Variants in SLC3A1 observed in about 807,000 individuals in gnomAD.
SLC3A1 encodes the protein amino acid transporter heavy chain SLC3A1.
A neutral mutation model predicts 60.3 loss-of-function variants in SLC3A1; 78 were observed. The ratio of observed to expected loss-of-function variants is 1.29; its 90% CI spans 1.08 to 1.56. SLC3A1 has a LOEUF of 1.56. SLC3A1 is among the 40% of genes most tolerant of loss of function. The probability of loss-of-function intolerance (pLI) is 0.00; values close to 1 mark genes in which losing one functional copy is unlikely to be tolerated. For synonymous variants in SLC3A1, 392 were observed against 307.9 expected (o/e 1.27, Z -2.86); for missense variants, 1,172 against 858.9 (o/e 1.36, Z -4.56).
intron 5 of SLC3A1, among the ~76,000 whole-genome samples, chr2:44,300,534 A>G (rs1671976742): frequency 6.6e-6 from 1 of 152,232 alleles, no homozygotes; most frequent in South Asian, 2.1e-4. Context: ...ACAAAGATAC[A>G]GAAACTAGGA....
intron 9 of SLC3A1, 63 bp from the exon 10 acceptor site, chr2:44,320,136 A>G: frequency 1.4e-6 from 2 of 1,422,802 alleles, no homozygotes; most frequent in Non-Finnish European, 1.9e-6. Flanking sequence ...ACAATATATT[A>G]AAAATACTTA....
intron 4 of SLC3A1, among the ~76,000 whole-genome samples, chr2:44,288,988 C>T (rs1024504422): frequency 6.6e-6 from 1 of 151,868 alleles, no homozygotes; most frequent in African/African-American, 2.4e-5. Context: ...GCACGTGCCA[C>T]CATGCCCAAC....
rs567296835 is a variant in SLC3A1, at chr2:44,320,792, T to C, written c.*153T>C. On this transcript the variant is annotated 3_prime_UTR_variant, in exon 10 of 10. Coordinates refer to ENST00000260649, the MANE Select transcript of SLC3A1 (RefSeq NM_000341.4). ...AACTGCTTTAAGAAAGGTTCTCAAATGTTTTGAAAAAAATAAAATGTTTAA... is the reference window on the plus strand; with the variant it reads ...AACTGCTTTAAGAAAGGTTCTCAAACGTTTTGAAAAAAATAAAATGTTTAA... 34 of 689,714 alleles carry C rather than the reference T, an allele frequency of 4.9e-5. No individual in the cohort carries two copies. Among genetic ancestry groups the C allele is most frequent in the South Asian group, 3.8e-4 (22 of 58,314 alleles). The allele number at this position is 689,714 out of a possible 1,614,324, so 42.7% of individuals were successfully genotyped here. A position where few individuals can be genotyped will look rare whatever the true frequency, so the allele number is the denominator to read the frequency against.
intron 4 of SLC3A1, among the ~76,000 whole-genome samples, chr2:44,290,488 G>C (rs758320809): frequency 1.3e-5 from 2 of 152,140 alleles, no homozygotes; most frequent in Admixed American, 6.5e-5. Flanking sequence ...TTTTGATAGG[G>C]ATTGCATTGA....
chr2:44,310,205 G>C (rs1000960500), intron 7 of SLC3A1, among the ~76,000 whole-genome samples: 1 of 152,124 alleles, frequency 6.6e-6, no homozygotes, highest in Non-Finnish European at 1.5e-5. Flanking sequence ...GGATCATATA[G>C]TACTTCTGTG....
chr2:44,280,805 A>G lies in SLC3A1; in HGVS notation c.520A>G (p.Arg174Gly), dbSNP rs1424215334. Residue 174 changes from arginine to glycine, a missense_variant, in exon 2 of 10, where the codon AGA becomes GGA. By Grantham distance (125) the Arg-to-Gly change is moderately radical. Transcript: ENST00000260649. ...SFYKSSLKDF[R>G]YGVEDFREVD... ...TTATAAATCGTCCCTTAAAGATTTC[A>G]GATATGGTGTTGAAGATTTCCGGGA... 5 of 1,613,418 alleles carry G rather than the reference A, an allele frequency of 3.1e-6. No individual in the cohort carries two copies. In the African/African-American group the frequency reaches 4.0e-5, roughly 13 times the overall value.
chr2:44,288,414 C>A (rs1386342389), intron 4 of SLC3A1, among the ~76,000 whole-genome samples: 1 of 152,056 alleles, frequency 6.6e-6, no homozygotes, highest in East Asian at 1.9e-4. Flanking sequence ...CTTCCCCCAC[C>A]CCCTGGGAAA....
intron 9 of SLC3A1, chr2:44,318,095 G>GTTTT: frequency 2.8e-5 from 11 of 396,482 alleles, no homozygotes; most frequent in East Asian, 8.2e-5. Flanking sequence ...TCTCAACACT[G>GTTTT]TTTTTTTTTT....
intron 7 of SLC3A1, among the ~76,000 whole-genome samples, chr2:44,311,529 T>A (rs998027933): frequency 6.6e-6 from 1 of 152,158 alleles, no homozygotes; most frequent in African/African-American, 2.4e-5. Context: ...CCTTTCCCAG[T>A]GTTTGTTGTG....
intron 1 of SLC3A1, among the ~76,000 whole-genome samples, chr2:44,277,474 A>C (rs1283725051): frequency 1.3e-5 from 2 of 152,062 alleles, no homozygotes; most frequent in Non-Finnish European, 2.9e-5. Flanking sequence ...TCTGTCCTTC[A>C]TGGTGCAGCT....
Position 44,275,784 on chromosome 2 carries a change from C to G in SLC3A1, c.249C>G (p.Arg83=). Residue 83 remains arginine, a synonymous_variant, in exon 1 of 10, where the codon CGC becomes CGG. Coordinates refer to ENST00000260649, the MANE Select transcript of SLC3A1 (RefSeq NM_000341.4). The stretch of plus-strand genomic sequence containing the variant: ...AGTTCTCTGGCCAGGCCCGCTACCG[C>G]ATACCTCGGGAGATCCTCTTCTGGC... The part of the protein sequence containing the change: ...LFQFSGQARY[R]IPREILFWLT... 2 of 1,614,266 alleles carry G rather than the reference C, an allele frequency of 1.2e-6. No individual in the cohort carries two copies. The highest frequency in any genetic ancestry group is 1.7e-6 in the Non-Finnish European group (2 of 1,180,046).
chr2:44,298,215 C>G (rs1326971369), intron 4 of SLC3A1, among the ~76,000 whole-genome samples: 1 of 152,102 alleles, frequency 6.6e-6, no homozygotes, highest in African/African-American at 2.4e-5. Flanking sequence ...AGCCCACAGC[C>G]TTTTCTGATT....
Position 44,304,401 on chromosome 2 carries a change from C to A in SLC3A1, c.1332+63C>A, listed in dbSNP as rs1211802890. 2.3e-6 allele frequency: 3 copies of A among 1,284,618 alleles called. No individual in the cohort carries two copies. In the Admixed American group the frequency reaches 5.2e-5, roughly 22 times the overall value. The allele number at this position is 1,284,618 out of a possible 1,614,324, so 79.6% of individuals were successfully genotyped here. A position where few individuals can be genotyped will look rare whatever the true frequency, so the allele number is the denominator to read the frequency against. ...TGTTGCCTTTGCTGTCCAGTTATCT[C>A]TAAAATGCAATGGACCTTTGTCTCT... On this transcript the variant is annotated intron_variant, in intron 7 of 9. Transcript: ENST00000260649.
intron 4 of SLC3A1, among the ~76,000 whole-genome samples, chr2:44,294,993 C>A (rs976800727): frequency 6.6e-6 from 1 of 152,112 alleles, no homozygotes; most frequent in African/African-American, 2.4e-5. Context: ...ATCCTCCCAC[C>A]TCGGTCTCTG....
chr2:44,317,141 CTG>C (rs1390236286), intron 9 of SLC3A1, among the ~76,000 whole-genome samples: 1 of 152,156 alleles, frequency 6.6e-6, no homozygotes, highest in Non-Finnish European at 1.5e-5. Flanking sequence ...CCATTAACCA[CTG>C]TGACTATTAC....
intron 6 of SLC3A1, 99 bp from the exon 7 acceptor site, chr2:44,304,044 C>T: frequency 1.1e-6 from 1 of 896,524 alleles, no homozygotes; most frequent in Admixed American, 1.7e-5. Context: ...AGTGTGCATT[C>T]AGCCCCTACA....
chr2:44,291,930 C>T (rs967974420), intron 4 of SLC3A1, among the ~76,000 whole-genome samples: 1 of 152,184 alleles, frequency 6.6e-6, no homozygotes, highest in African/African-American at 2.4e-5. Context: ...TGCTCTGAAC[C>T]TCTTGGGGCT....
chr2:44,281,690 C>T (rs987877850), intron 3 of SLC3A1, 149 bp downstream of exon 3: 41 of 740,006 alleles, frequency 5.5e-5, no homozygotes, highest in Non-Finnish European at 8.4e-5. Context: ...AATAAGGTTT[C>T]CAGTTGTTAT....
intron 4 of SLC3A1, among the ~76,000 whole-genome samples, chr2:44,298,309 A>C (rs1169844263): frequency 6.6e-6 from 1 of 152,152 alleles, no homozygotes; most frequent in Admixed American, 6.5e-5. Flanking sequence ...ATGATGAGTT[A>C]GTTTTCTTTA....
Sources: allele counts gnomAD v4.1 joint callset (sites outside exome capture counted in the v4.1 genomes callset), GRCh38; gene constraint gnomAD v4.1.1; transcripts MANE v1.5; gene names NCBI Gene and HGNC (gene_info 2026-07-23, HGNC 2026-07-21).